The following LRRTM4 variants were observed in gnomAD, a reference collection of about 807,000 sequenced individuals.
The protein encoded by LRRTM4 is leucine-rich repeat transmembrane neuronal protein 4.
In LRRTM4, 25 loss-of-function variants were observed where a neutral mutation model predicts 47.6. The ratio of observed to expected loss-of-function variants is 0.53; its 90% confidence interval spans 0.38 to 0.73. The LOEUF is 0.73. LRRTM4 is among the 30% of genes least tolerant of loss of function. The pLI, the probability that LRRTM4 is intolerant of heterozygous loss-of-function variation, is 0.00. For synonymous variants in LRRTM4, 311 were observed against 269.5 expected, an observed-to-expected ratio of 1.15 and a Z score of -1.51; for missense variants, 638 against 713.4, an observed-to-expected ratio of 0.89 and a Z score of 1.20.
chr2:77,301,994 A>G (rs574387667), intron 3 of LRRTM4, among the ~76,000 whole-genome samples: 2 of 152,326 alleles, frequency 1.3e-5, no homozygotes, highest in Admixed American at 6.5e-5. Context: ...AGGTGAAATC[A>G]TTTAAAAACT....
chr2:76,878,345 G>A (rs1162368158), intron 3 of LRRTM4, among the ~76,000 whole-genome samples: 2 of 151,908 alleles, frequency 1.3e-5, no homozygotes, highest in South Asian at 2.1e-4. Flanking sequence ...GAAATTAGAC[G>A]AATTAATAAC....
intron 3 of LRRTM4, among the ~76,000 whole-genome samples, chr2:76,994,823 T>G (rs972605656): frequency 2.0e-5 from 3 of 151,996 alleles, no homozygotes; most frequent in Non-Finnish European, 2.9e-5. Context: ...TGTGTGAAAT[T>G]GATTCACCCT....
At chr2:76,895,963 G>A (rs770459214) in intron 3 of LRRTM4, among the ~76,000 whole-genome samples, 5 of 151,948 alleles carry the variant, frequency 3.3e-5, no homozygotes, top group Non-Finnish European at 5.9e-5. Context: ...AGGTTTACAG[G>A]GTGAATAAAA....
intron 3 of LRRTM4, among the ~76,000 whole-genome samples, chr2:76,875,707 T>C (rs1460338047): frequency 1.3e-5 from 2 of 152,180 alleles, no homozygotes; most frequent in African/African-American, 4.8e-5. Context: ...CCCACTGCCA[T>C]TGAGGAGTCA....
chr2:77,197,864 A>G (rs981477377), intron 3 of LRRTM4, among the ~76,000 whole-genome samples: 1 of 152,218 alleles, frequency 6.6e-6, no homozygotes, highest in African/African-American at 2.4e-5. Context: ...TTGCAAAGGC[A>G]TAGAGAAGGT....
chr2:76,928,592 G>A (rs1487289263), intron 3 of LRRTM4, among the ~76,000 whole-genome samples: 1 of 152,056 alleles, frequency 6.6e-6, no homozygotes, highest in African/African-American at 2.4e-5. Context: ...ATGATTTCAG[G>A]GCATAGAATA....
At chr2:76,977,803 G>A (rs367585709) in intron 3 of LRRTM4, among the ~76,000 whole-genome samples, 12 of 152,024 alleles carry the variant, frequency 7.9e-5, no homozygotes, top group African/African-American at 1.4e-4. Flanking sequence ...TAGATTTTTC[G>A]TTGTCGTTGT....
intron 3 of LRRTM4, among the ~76,000 whole-genome samples, chr2:77,441,195 A>C (rs1675824611): frequency 6.6e-6 from 1 of 152,230 alleles, no homozygotes; most frequent in African/African-American, 2.4e-5. Flanking sequence ...AAAAAGATAC[A>C]TCATTATTAA....
chr2:76,810,774 G>C (rs1356161585), intron 3 of LRRTM4, among the ~76,000 whole-genome samples: 1 of 152,068 alleles, frequency 6.6e-6, no homozygotes, highest in Non-Finnish European at 1.5e-5. Flanking sequence ...AAGGTGCTTT[G>C]AAATCATTGG....
At chr2:76,784,352 G>C (rs1292779401) in intron 3 of LRRTM4, among the ~76,000 whole-genome samples, 1 of 151,998 alleles carries the variant, frequency 6.6e-6, no homozygotes, top group Non-Finnish European at 1.5e-5. Flanking sequence ...CATATATATA[G>C]TCAAATGGGT....
chr2:77,235,899 C>T (rs183473303), intron 3 of LRRTM4, among the ~76,000 whole-genome samples: 23 of 152,022 alleles, frequency 1.5e-4, no homozygotes, highest in Non-Finnish European at 1.5e-5. Context: ...ATCAGTTCTA[C>T]ATTGTTTTTG....
At chr2:77,386,165 T>C (rs1312373316) in intron 3 of LRRTM4, among the ~76,000 whole-genome samples, 3 of 152,130 alleles carry the variant, frequency 2.0e-5, no homozygotes. Context: ...ATAATCGCAT[T>C]TGAAGACTAA....
At chr2:77,252,048 C>CTTTA (rs1272638778) in intron 3 of LRRTM4, among the ~76,000 whole-genome samples, 1 of 152,068 alleles carries the variant, frequency 6.6e-6, no homozygotes, top group Admixed American at 6.6e-5. Context: ...ACTTTGAGGA[C>CTTTA]TTTAGATAAA....
At chr2:76,907,549 C>T (rs1322436981) in intron 3 of LRRTM4, among the ~76,000 whole-genome samples, 2 of 145,714 alleles carry the variant, frequency 1.4e-5, no homozygotes, top group African/African-American at 5.2e-5. Flanking sequence ...TTAATGAATC[C>T]AGGAGCTGGT....
At chr2:76,766,895 A>C (rs1478514054) in intron 3 of LRRTM4, among the ~76,000 whole-genome samples, 2 of 152,158 alleles carry the variant, frequency 1.3e-5, no homozygotes, top group African/African-American at 4.8e-5. Context: ...TCTGATCTAA[A>C]ATGTCAAAAG....
chr2:76,825,544 CTG>C (rs1226724621), intron 3 of LRRTM4, among the ~76,000 whole-genome samples: 1 of 151,564 alleles, frequency 6.6e-6, no homozygotes, highest in African/African-American at 2.4e-5. Context: ...GTGAGGATAT[CTG>C]GGGGTGATAG....
intron 3 of LRRTM4, among the ~76,000 whole-genome samples, chr2:76,894,802 T>C (rs1673358555): frequency 6.6e-6 from 1 of 151,870 alleles, no homozygotes; most frequent in African/African-American, 2.4e-5. Context: ...CATATAAATA[T>C]ACAATTTCAA....
At chr2:77,456,698 C>G (rs1480604093) in intron 3 of LRRTM4, among the ~76,000 whole-genome samples, 1 of 152,014 alleles carries the variant, frequency 6.6e-6, no homozygotes, top group Non-Finnish European at 1.5e-5. Flanking sequence ...CCTCTCTACT[C>G]TTGAAAGCAT....
chr2:77,167,012 A>T (rs1672904808), intron 3 of LRRTM4, among the ~76,000 whole-genome samples: 1 of 152,174 alleles, frequency 6.6e-6, no homozygotes, highest in Admixed American at 6.5e-5. Context: ...CATCAGAGTG[A>T]AGAGGCAACC....
Sources: allele counts gnomAD v4.1 joint callset (sites outside exome capture counted in the v4.1 genomes callset), GRCh38; gene constraint gnomAD v4.1.1; transcripts MANE v1.5; gene names NCBI Gene and HGNC (gene_info 2026-07-23, HGNC 2026-07-21).